The following MOCOS variants were observed in gnomAD, a reference collection of about 807,000 sequenced individuals.
MOCOS encodes the protein human molybdenum cofactor sulfurase.
MOCOS carries 86 observed loss-of-function variants against 83.6 expected under a neutral mutation model. That is an observed-to-expected ratio of 1.03 (90% confidence interval 0.86 to 1.23). MOCOS has a LOEUF of 1.23. Ranked by LOEUF, MOCOS falls within the 50% of genes most tolerant of loss-of-function variation. The pLI is 0.00. For missense variants in MOCOS, 1,120 were observed against 1,126.9 expected (o/e 0.99, Z 0.09); for synonymous variants, 445 against 434.7 (o/e 1.02, Z -0.29).
chr18:36,249,112 T>C (rs1598591180), intron 10 of MOCOS, 112 bp downstream of exon 10: 1 of 935,624 alleles, frequency 1.1e-6, no homozygotes, highest in East Asian at 2.6e-5. Flanking sequence ...GTCCAGTTGC[T>C]GTCCATTTCT....
At chr18:36,219,746 G>C (rs2091489004) in intron 8 of MOCOS, among the ~76,000 whole-genome samples, 1 of 152,140 alleles carries the variant, frequency 6.6e-6, no homozygotes, top group East Asian at 1.9e-4. Flanking sequence ...AGCCAGCTGG[G>C]AAAGGAGGCT....
At chr18:36,239,244 T>G (rs978319341) in intron 9 of MOCOS, among the ~76,000 whole-genome samples, 1 of 152,144 alleles carries the variant, frequency 6.6e-6, no homozygotes, top group Non-Finnish European at 1.5e-5. Flanking sequence ...GATCGTTACA[T>G]TTTGGCATGA....
rs2091692724 is a variant in MOCOS at position 36,269,567 on chromosome 18, C to T, written c.*882C>T. The T allele has an allele frequency of 6.6e-6, 1 of 152,322 alleles. No individual in the cohort carries two copies. Among genetic ancestry groups the T allele is most frequent in the Admixed American group, 6.5e-5 (1 of 15,286 alleles). The allele number at this position is 152,322 out of a possible 1,614,324, so 9.4% of individuals were successfully genotyped here. A position where few individuals can be genotyped will look rare whatever the true frequency, so the allele number is the denominator to read the frequency against. On this transcript the variant is annotated 3_prime_UTR_variant, in exon 15 of 15. Coordinates refer to ENST00000261326, the MANE Select transcript of MOCOS (RefSeq NM_017947.4). The stretch of plus-strand genomic sequence containing the variant: ...TCATTCTCTAATGAAGTTACCCATC[C>T]CGCTGAGTTTCTAAGAAGTTTCTCC...
At chr18:36,220,326 T>C in intron 9 of MOCOS, 109 bp downstream of exon 9, 1 of 1,380,932 alleles carries the variant, frequency 7.2e-7, no homozygotes, top group Non-Finnish European at 9.9e-7. Flanking sequence ...GGCAATACAG[T>C]GAGACCTCAT....
chr18:36,267,572 T>C (rs963609287), intron 14 of MOCOS, among the ~76,000 whole-genome samples: 3 of 152,338 alleles, frequency 2.0e-5, no homozygotes, highest in African/African-American at 4.8e-5. Context: ...TTTCACAGTA[T>C]AGACATTTGA....
At position 36,268,909 on chromosome 18, in the gene MOCOS, C is replaced by T. The variant is rs948149110; in HGVS notation, c.*224C>T. On this transcript the variant is annotated 3_prime_UTR_variant, in exon 15 of 15. Coordinates refer to ENST00000261326, the MANE Select transcript of MOCOS (RefSeq NM_017947.4). Reference sequence around the variant, plus strand: ...TCTGAGGCCTCAGGAACGAATGCTGCACCCACATCCAGTGAGGCTCCTGTA... The same window carrying T: ...TCTGAGGCCTCAGGAACGAATGCTGTACCCACATCCAGTGAGGCTCCTGTA... 1 of 568,300 alleles carries T rather than the reference C, an allele frequency of 1.8e-6. No homozygotes were observed. The highest frequency in any genetic ancestry group is 3.1e-6 in the Non-Finnish European group (1 of 320,384). The allele number at this position is 568,300 out of a possible 1,614,324, so 35.2% of individuals were successfully genotyped here.
chr18:36,243,019 AT>A (rs1024670709), intron 9 of MOCOS, among the ~76,000 whole-genome samples: 32 of 151,188 alleles, frequency 2.1e-4, no homozygotes, highest in African/African-American at 7.5e-4. Flanking sequence ...AAGTATTTTA[AT>A]TTTTTTTTGC....
intron 14 of MOCOS, among the ~76,000 whole-genome samples, chr18:36,267,948 A>G (rs921651084): frequency 2.6e-5 from 4 of 152,210 alleles, no homozygotes; most frequent in Admixed American, 2.0e-4. Flanking sequence ...GGCCTGGAAC[A>G]TGAGGGTGTC....
In MOCOS at chr18:36,259,556, A is replaced by C. The variant is rs868167138; in HGVS notation, c.2271-481A>C. ...TTATTTATAATGTTTTAATACCCAA[A>C]AAAAAAAAAAAGAGTGAGATCTCAA... On this transcript the variant is annotated intron_variant, in intron 12 of 14. Transcript: ENST00000261326. Among the ~76,000 whole-genome samples, 62 of 111,788 alleles carry C rather than the reference A, an allele frequency of 5.5e-4. 1 individual carries two copies. Among genetic ancestry groups the C allele is most frequent in the Middle Eastern group, 4.9e-3 (1 of 204 alleles). 73.3% of individuals were successfully genotyped at this position (111,788 alleles called of 152,430 possible). A position where few individuals can be genotyped will look rare whatever the true frequency, so the allele number is the denominator to read the frequency against.
At chr18:36,256,382 C>T (rs959334327) in intron 11 of MOCOS, among the ~76,000 whole-genome samples, 4 of 152,170 alleles carry the variant, frequency 2.6e-5, no homozygotes, top group African/African-American at 9.7e-5. Flanking sequence ...CCCTCCTCCT[C>T]GAAGTCTTGC....
chr18:36,212,976 G>A (rs1312452861), intron 6 of MOCOS, among the ~76,000 whole-genome samples: 1 of 152,192 alleles, frequency 6.6e-6, no homozygotes, highest in Non-Finnish European at 1.5e-5. Context: ...GGGCAGGAAA[G>A]AGCTTTGGGA....
intron 1 of MOCOS, chr18:36,190,205 C>T (rs1375122062): frequency 1.3e-5 from 2 of 152,194 alleles, no homozygotes; most frequent in African/African-American, 4.8e-5. Flanking sequence ...TGAACAAAAG[C>T]CTTTCTTTTG....
chr18:36,216,550 G>A (rs531392814), intron 8 of MOCOS, among the ~76,000 whole-genome samples: 32 of 152,034 alleles, frequency 2.1e-4, no homozygotes, highest in Non-Finnish European at 4.0e-4. Flanking sequence ...ATGAATTAGC[G>A]AATAAATAGA....
intron 9 of MOCOS, among the ~76,000 whole-genome samples, chr18:36,242,518 C>A (rs1363902943): frequency 1.3e-5 from 2 of 152,230 alleles, no homozygotes; most frequent in Non-Finnish European, 2.9e-5. Context: ...TTTCAAGTAT[C>A]TTTGTAGCCA....
intron 11 of MOCOS, among the ~76,000 whole-genome samples, chr18:36,253,035 C>T (rs908326328): frequency 6.6e-6 from 1 of 152,062 alleles, no homozygotes; most frequent in Non-Finnish European, 1.5e-5. Context: ...TAGGCATTTC[C>T]AGGGGTAGAG....
chr18:36,256,380 C>G (rs1426981006), intron 11 of MOCOS, among the ~76,000 whole-genome samples: 7 of 152,206 alleles, frequency 4.6e-5, no homozygotes, highest in Non-Finnish European at 8.8e-5. Context: ...ATCCCTCCTC[C>G]TCGAAGTCTT....
chr18:36,263,496 T>C (rs1213762570), intron 13 of MOCOS, among the ~76,000 whole-genome samples: 2 of 152,236 alleles, frequency 1.3e-5, no homozygotes, highest in African/African-American at 2.4e-5. Context: ...TCCTTGCATA[T>C]TGCAGAGTAA....
chr18:36,264,770 A>G (rs1024484248), intron 13 of MOCOS, among the ~76,000 whole-genome samples: 4 of 151,918 alleles, frequency 2.6e-5, no homozygotes, highest in Admixed American at 2.0e-4. Flanking sequence ...GTGAGCGTCA[A>G]CCTAAAAAAA....
chr18:36,257,447 C>T (rs1162857277), intron 12 of MOCOS, among the ~76,000 whole-genome samples: 1 of 152,112 alleles, frequency 6.6e-6, no homozygotes, highest in Non-Finnish European at 1.5e-5. Context: ...CTCTGCCCTA[C>T]TTCACACAGT....
Sources: allele counts gnomAD v4.1 joint callset (sites outside exome capture counted in the v4.1 genomes callset), GRCh38; gene constraint gnomAD v4.1.1; transcripts MANE v1.5; gene names NCBI Gene and HGNC (gene_info 2026-07-23, HGNC 2026-07-21).